The following TOM1L1 variants were observed in gnomAD, a reference collection of about 807,000 sequenced individuals.
TOM1L1 encodes the protein TOM1-like protein 1.
TOM1L1 carries 64 observed loss-of-function variants against 63.4 expected under a neutral mutation model. The observed-to-expected ratio is 1.01, with a 90% CI of 0.83 to 1.24. The LOEUF (loss-of-function observed/expected upper bound fraction) is 1.24, where lower values mean the gene tolerates loss of function less well. Among genes scored for constraint, TOM1L1 ranks in the 50% most tolerant of loss-of-function variants. The pLI is 0.00. For synonymous variants in TOM1L1, 166 were observed against 194.4 expected, an observed-to-expected ratio of 0.85 and a Z score of 1.22; for missense variants, 536 against 567.0, an observed-to-expected ratio of 0.95 and a Z score of 0.55.
chr17:54,900,903 C>G lies in TOM1L1; in HGVS notation c.38C>G (p.Thr13Ser). The change falls in exon 1 of 16, where the codon ACC becomes AGC. Residue 13 changes from threonine to serine, a missense_variant. Thr to Ser is a moderately conservative substitution (Grantham distance 58). Coordinates refer to ENST00000575882, the MANE Select transcript of TOM1L1 (RefSeq NM_005486.3). ...AAGAGTCACCGGGATCCCTACGCGA[C>G]CTCCGTGGGCCACCTCATAGGTAAG... is the stretch of plus-strand genomic sequence containing the variant. ...FGKSHRDPYA[T>S]SVGHLIEKAT... The G allele has an allele frequency of 6.2e-7, 1 of 1,613,940 alleles. No individual in the cohort carries two copies. The highest frequency in any genetic ancestry group is 8.5e-7 in the Non-Finnish European group (1 of 1,180,032).
At chr17:54,952,336 CCT>C (rs1829661520) in intron 14 of TOM1L1, 1 of 151,988 alleles carries the variant, frequency 6.6e-6, no homozygotes, top group Admixed American at 6.6e-5. Context: ...CGCAGATCAC[CCT>C]GAATTCAAGA....
At chr17:54,915,955 T>C in intron 7 of TOM1L1, 93 bp downstream of exon 7, 2 of 841,554 alleles carry the variant, frequency 2.4e-6, no homozygotes, top group Non-Finnish European at 3.9e-6. Flanking sequence ...CTTAATATTG[T>C]CTAGTACATC....
intron 3 of TOM1L1, among the ~76,000 whole-genome samples, chr17:54,910,424 C>G (rs1170053965): frequency 6.6e-6 from 1 of 152,180 alleles, no homozygotes; most frequent in Non-Finnish European, 1.5e-5. Flanking sequence ...CCACTGCACT[C>G]CAGCCTAGGT....
At chr17:54,934,938 A>G (rs1420098948) in intron 8 of TOM1L1, among the ~76,000 whole-genome samples, 3 of 152,144 alleles carry the variant, frequency 2.0e-5, no homozygotes, top group African/African-American at 7.2e-5. Context: ...GGCTGGGCTC[A>G]AACTCCTGAC....
intron 11 of TOM1L1, among the ~76,000 whole-genome samples, chr17:54,945,610 T>C (rs543257802): frequency 6.6e-6 from 1 of 152,334 alleles, no homozygotes; most frequent in East Asian, 1.9e-4. Flanking sequence ...CTGTGATTTA[T>C]GTTCAAGTTC....
intron 7 of TOM1L1, among the ~76,000 whole-genome samples, chr17:54,920,028 C>A (rs1189450170): frequency 6.6e-6 from 1 of 150,798 alleles, no homozygotes; most frequent in East Asian, 2.0e-4. Context: ...CATTTTTTCC[C>A]CCTCTAACCC....
At chr17:54,948,839 G>A (rs572958014) in intron 12 of TOM1L1, among the ~76,000 whole-genome samples, 11 of 152,292 alleles carry the variant, frequency 7.2e-5, no homozygotes, top group African/African-American at 2.4e-4. Context: ...ATTTTGTTGT[G>A]TCACTGAGTG....
chr17:54,910,508 C>G (rs1466823881), intron 3 of TOM1L1, among the ~76,000 whole-genome samples: 1 of 152,140 alleles, frequency 6.6e-6, no homozygotes, highest in Non-Finnish European at 1.5e-5. Context: ...AAGAAATACA[C>G]CTAGGGAGAG....
intron 7 of TOM1L1, among the ~76,000 whole-genome samples, chr17:54,928,798 T>C (rs2048810282): frequency 6.6e-6 from 1 of 152,232 alleles, no homozygotes; most frequent in Admixed American, 6.5e-5. Context: ...AAGTCTATCA[T>C]CTGTCTGACT....
At chr17:54,922,349 G>A (rs1336561832) in intron 7 of TOM1L1, among the ~76,000 whole-genome samples, 1 of 152,050 alleles carries the variant, frequency 6.6e-6, no homozygotes, top group African/African-American at 2.4e-5. Context: ...GCTTACACCT[G>A]TAATCCTAGC....
intron 11 of TOM1L1, among the ~76,000 whole-genome samples, chr17:54,939,434 G>A (rs969784767): frequency 2.0e-5 from 3 of 152,176 alleles, no homozygotes; most frequent in African/African-American, 7.2e-5. Flanking sequence ...CAATGACAAA[G>A]GAGGCAGAAG....
At chr17:54,935,024 G>A (rs1283629600) in intron 8 of TOM1L1, among the ~76,000 whole-genome samples, 1 of 152,094 alleles carries the variant, frequency 6.6e-6, no homozygotes, top group African/African-American at 2.4e-5. Context: ...GGCTGAACTA[G>A]GTGGAATTTA....
At chr17:54,921,358 A>AT (rs912067047) in intron 7 of TOM1L1, among the ~76,000 whole-genome samples, 1 of 152,216 alleles carries the variant, frequency 6.6e-6, no homozygotes, top group Non-Finnish European at 1.5e-5. Context: ...TCTATATAGC[A>AT]TTTTTTAAAT....
chr17:54,961,103 A>C (rs1320799236), intron 15 of TOM1L1, 132 bp from the exon 16 acceptor site: 11 of 701,150 alleles, frequency 1.6e-5, no homozygotes, highest in Non-Finnish European at 2.7e-5. Flanking sequence ...CCCCTATGGA[A>C]GAAGCACATT....
chr17:54,948,862 T>C (rs1207649797), intron 12 of TOM1L1, among the ~76,000 whole-genome samples: 1 of 152,238 alleles, frequency 6.6e-6, no homozygotes, highest in Non-Finnish European at 1.5e-5. Flanking sequence ...TCTCTGTAGA[T>C]TTAAATTTTT....
chr17:54,908,138 C>G (rs2143746370), intron 3 of TOM1L1, among the ~76,000 whole-genome samples: 1 of 152,300 alleles, frequency 6.6e-6, no homozygotes, highest in Admixed American at 6.5e-5. Flanking sequence ...TGGTTTCTGT[C>G]CAATCTAAAG....
At chr17:54,916,088 A>T (rs757830087) in intron 7 of TOM1L1, 5 of 488,212 alleles carry the variant, frequency 1.0e-5, no homozygotes, top group African/African-American at 8.0e-5. Flanking sequence ...AATTTATTAT[A>T]AGTTATAACC....
intron 3 of TOM1L1, among the ~76,000 whole-genome samples, chr17:54,908,256 A>G (rs946348004): frequency 3.9e-5 from 6 of 152,040 alleles, no homozygotes; most frequent in South Asian, 4.1e-4. Flanking sequence ...TTTTCCTTGG[A>G]TTTTCTTTAA....
chr17:54,904,270 T>C (rs1465282391), intron 2 of TOM1L1, among the ~76,000 whole-genome samples: 1 of 149,316 alleles, frequency 6.7e-6, no homozygotes, highest in Non-Finnish European at 1.5e-5. Flanking sequence ...CTTGGGAGGC[T>C]GAGGCAGGAG....
Sources: gnomAD v4.1 joint callset for allele counts (sites outside exome capture counted in the v4.1 genomes callset) on GRCh38, gnomAD v4.1.1 for gene constraint, MANE v1.5 for transcripts, NCBI Gene and HGNC (gene_info 2026-07-23, HGNC 2026-07-21) for gene names.